Variants in REG4 observed in about 807,000 individuals in gnomAD.
REG4 encodes the protein regenerating family member 4, also known as regenerating islet-derived protein 4.
In REG4, 16 loss-of-function variants were observed where a neutral mutation model predicts 22.3. The observed-to-expected ratio is 0.72, with a 90% confidence interval of 0.49 to 1.09. The LOEUF is 1.09. Among genes scored for constraint, REG4 ranks in the 50% least tolerant of loss-of-function variants. REG4 has a pLI of 0.00. For missense variants in REG4, 214 were observed against 193.9 expected (o/e 1.10, Z -0.61); for synonymous variants, 71 against 69.2 (o/e 1.03, Z -0.13).
chr1:119,800,431 G>A (rs1654063377), intron 3 of REG4, among the ~76,000 whole-genome samples: 2 of 152,172 alleles, frequency 1.3e-5, no homozygotes, highest in African/African-American at 2.4e-5. Flanking sequence ...CAGGCATTAT[G>A]GCAGTGCTCT....
chr1:119,808,885 A>T, intron 1 of REG4, 22 bp from the exon 2 acceptor site: 1 of 626,002 alleles, frequency 1.6e-6, no homozygotes, highest in Admixed American at 3.1e-5. Flanking sequence ...TGCACAGGTG[A>T]GAAGGACCCA....
chr1:119,805,236 C>G (rs1481194912), intron 2 of REG4, among the ~76,000 whole-genome samples: 1 of 152,146 alleles, frequency 6.6e-6, no homozygotes, highest in Non-Finnish European at 1.5e-5. Flanking sequence ...CCATTGATTA[C>G]CAGAGGGCAG....
intron 3 of REG4, 120 bp from the exon 4 acceptor site, chr1:119,799,982 G>T: frequency 1.5e-6 from 2 of 1,295,914 alleles, no homozygotes; most frequent in Non-Finnish European, 2.2e-6. Context: ...TCCACACATC[G>T]TGCTCTAAGC....
At chr1:119,810,843 A>C (rs902892912) in intron 1 of REG4, among the ~76,000 whole-genome samples, 2 of 152,138 alleles carry the variant, frequency 1.3e-5, no homozygotes, top group Non-Finnish European at 2.9e-5. Flanking sequence ...ACCTGAGGTC[A>C]GGAGTTCAAG....
chr1:119,801,084 G>C (rs1654083451), intron 3 of REG4: 1 of 152,118 alleles, frequency 6.6e-6, no homozygotes, highest in African/African-American at 2.4e-5. Context: ...ACTGTTTTAA[G>C]GATTGTATGA....
intron 5 of REG4, among the ~76,000 whole-genome samples, chr1:119,796,597 C>T (rs1653944304): frequency 6.6e-6 from 1 of 152,132 alleles, no homozygotes; most frequent in Non-Finnish European, 1.5e-5. Context: ...GGAGCAAAAT[C>T]CATTGTACTG....
At chr1:119,802,236 G>A (rs1267386397) in intron 3 of REG4, 1 of 746,766 alleles carries the variant, frequency 1.3e-6, no homozygotes, top group East Asian at 1.3e-4. Flanking sequence ...ACTTGGGAAA[G>A]TCATTTATAC....
At chr1:119,808,661 C>A (rs1338872447) in intron 2 of REG4, 42 bp downstream of exon 2, 1 of 1,435,510 alleles carries the variant, frequency 7.0e-7, no homozygotes, top group Admixed American at 1.7e-5. Flanking sequence ...GCTGTGTGAA[C>A]ACTGGCTGTG....
At chr1:119,795,988 A>T (rs1571061427) in intron 5 of REG4, among the ~76,000 whole-genome samples, 1 of 152,356 alleles carries the variant, frequency 6.6e-6, no homozygotes, top group Middle Eastern at 3.4e-3. Context: ...ACTAAGCAAG[A>T]GGTCTGCTTT....
At chr1:119,808,565 C>T (rs1654396470) in intron 2 of REG4, 138 bp downstream of exon 2, 2 of 626,112 alleles carry the variant, frequency 3.2e-6, no homozygotes, top group Non-Finnish European at 5.6e-6. Context: ...TAGTACCTAT[C>T]TTTGTTTTTC....
intron 3 of REG4, chr1:119,802,215 T>C: frequency 2.0e-6 from 1 of 493,328 alleles, no homozygotes; most frequent in South Asian, 8.7e-5. Flanking sequence ...TGTCAGTTAC[T>C]CTCAGTGTAA....
At chr1:119,795,303 C>G (rs1283960321) in intron 5 of REG4, among the ~76,000 whole-genome samples, 1 of 152,262 alleles carries the variant, frequency 6.6e-6, no homozygotes, top group East Asian at 1.9e-4. Context: ...ATGAGGGGCT[C>G]TTGTGTTGAG....
At position 119,799,813 on chromosome 1, in the gene REG4, C is replaced by T; in HGVS notation, c.215G>A (p.Ser72Asn). The T allele has an allele frequency of 6.2e-7, 1 of 1,614,170 alleles. No homozygotes were observed. Residue 72 changes from serine to asparagine, a missense_variant, in exon 4 of 6, where the codon AGT becomes AAT. Coordinates refer to ENST00000256585, the MANE Select transcript of REG4 (RefSeq NM_032044.4). ...TGCTATGGTGCTGGCTTCCTTTAAA[C>T]TCAGGATAGATGCCAGGTGGGCTCC... Reference protein sequence around the residue: ...GNGAHLASILSLKEASTIAEY... With the variant: ...GNGAHLASILNLKEASTIAEY...
At chr1:119,807,557 C>T (rs1654360792) in intron 2 of REG4, among the ~76,000 whole-genome samples, 1 of 152,206 alleles carries the variant, frequency 6.6e-6, no homozygotes, top group Admixed American at 6.5e-5. Context: ...CAGGGAACCA[C>T]CTGGCCACAT....
At position 119,799,550 on chromosome 1, in the gene REG4, A is replaced by G. The variant is rs181669412; in HGVS notation, c.303+175T>C. On this transcript the variant is annotated intron_variant, in intron 4 of 5. Transcript: ENST00000256585. The stretch of plus-strand genomic sequence containing the variant: ...TGGAGTCATTTAAATCATATCCTCC[A>G]CCGAGGGCCAGAACTGGGCCCCTGA... Among the ~76,000 whole-genome samples, 34 of 152,302 alleles carry G rather than the reference A, an allele frequency of 2.2e-4. No individual in the cohort carries two copies. The East Asian group carries it at 5.2e-3, about 23-fold the overall frequency.
chr1:119,801,915 T>C (rs958014025), intron 3 of REG4: 3 of 151,616 alleles, frequency 2.0e-5, no homozygotes, highest in African/African-American at 7.3e-5. Context: ...TGAATCCTCC[T>C]GACAAGTCCA....
intron 1 of REG4, among the ~76,000 whole-genome samples, chr1:119,809,869 A>G (rs1315016429): frequency 6.6e-6 from 1 of 152,180 alleles, no homozygotes; most frequent in East Asian, 1.9e-4. Context: ...TAATTTTGGT[A>G]TATTAAAGAA....
At chr1:119,799,191 C>T (rs138981411) in intron 4 of REG4, among the ~76,000 whole-genome samples, 1 of 151,904 alleles carries the variant, frequency 6.6e-6, no homozygotes, top group Non-Finnish European at 1.5e-5. Context: ...GACCCCACAC[C>T]TAGACCTCAT....
chr1:119,797,266 G>A (rs1231007679), intron 5 of REG4, among the ~76,000 whole-genome samples: 1 of 152,098 alleles, frequency 6.6e-6, no homozygotes, highest in East Asian at 1.9e-4. Context: ...TTTTGGTTGT[G>A]TTTTTTCCAT....
Sources: gnomAD v4.1 joint callset for allele counts (sites outside exome capture counted in the v4.1 genomes callset) on GRCh38, gnomAD v4.1.1 for gene constraint, MANE v1.5 for transcripts, NCBI Gene and HGNC (gene_info 2026-07-23, HGNC 2026-07-21) for gene names.